The following RMND1 variants were observed in gnomAD, a reference collection of about 807,000 sequenced individuals.
RMND1 encodes the protein required for meiotic nuclear division 1 homolog.
A neutral mutation model predicts 54.0 loss-of-function variants in RMND1; 41 were observed. The observed-to-expected ratio is 0.76, with a 90% CI of 0.59 to 0.98. The LOEUF (loss-of-function observed/expected upper bound fraction) is 0.98. Among genes scored for constraint, RMND1 ranks in the 50% least tolerant of loss-of-function variants. The pLI is 0.00. For synonymous variants in RMND1, 183 were observed against 181.7 expected (o/e 1.01, Z -0.06); for missense variants, 457 against 532.0 (o/e 0.86, Z 1.39).
chr6:151,406,937 C>T (rs111375141), intron 10 of RMND1, among the ~76,000 whole-genome samples: 15 of 151,928 alleles, frequency 9.9e-5, no homozygotes, highest in African/African-American at 3.1e-4. Context: ...AGGCAGGAGG[C>T]GCACTTGAGC....
At chr6:151,423,409 A>G (rs969473666) in intron 7 of RMND1, 116 bp downstream of exon 7, 2 of 653,998 alleles carry the variant, frequency 3.1e-6, no homozygotes, top group Admixed American at 2.7e-5. Flanking sequence ...AAAAAGGAAA[A>G]GGAATGCTAA....
At chr6:151,450,327 G>C (rs1316977609) in intron 1 of RMND1, among the ~76,000 whole-genome samples, 2 of 146,402 alleles carry the variant, frequency 1.4e-5, no homozygotes, top group Admixed American at 6.7e-5. Flanking sequence ...GAGACCCTCC[G>C]CCCGGCAGCC....
chr6:151,451,406 T>G (rs1431445811), intron 1 of RMND1, among the ~76,000 whole-genome samples: 1 of 152,164 alleles, frequency 6.6e-6, no homozygotes, highest in Non-Finnish European at 1.5e-5. Context: ...AAATCCTATC[T>G]TTTGAATCTT....
chr6:151,405,689 C>T (rs748528221), intron 11 of RMND1, 31 bp downstream of exon 11: 17 of 1,061,282 alleles, frequency 1.6e-5, no homozygotes, highest in Non-Finnish European at 2.5e-5. Flanking sequence ...AAGATGGTAA[C>T]TGATCATAGT....
Position 151,433,437 on chromosome 6 carries a change from A to C in RMND1, c.614-207T>G, listed in dbSNP as rs116759264. Among the ~76,000 whole-genome samples the C allele has an allele frequency of 8.0e-3, 1,212 of 152,296 alleles. 16 individuals are homozygous for C. Among genetic ancestry groups the C allele is most frequent in the African/African-American group, 0.025 (1,021 of 41,548 alleles). On this transcript the variant is annotated intron_variant, in intron 3 of 11. Coordinates refer to ENST00000444024, the MANE Select transcript of RMND1 (RefSeq NM_017909.4). ...ATACGACCACCAAAAAAAGATCAGC[A>C]ATTACTTTTATAAAACATTCAACAA...
chr6:151,447,795 CTCTT>C (rs771798489), intron 1 of RMND1, among the ~76,000 whole-genome samples: 8 of 147,830 alleles, frequency 5.4e-5, no homozygotes, highest in Non-Finnish European at 1.2e-4. Context: ...TCTTTTTATT[CTCTT>C]TGAGTAAATT....
At chr6:151,417,475 A>G in intron 9 of RMND1, 76 bp from the exon 10 acceptor site, 1 of 1,261,436 alleles carries the variant, frequency 7.9e-7, no homozygotes, top group Non-Finnish European at 1.1e-6. Flanking sequence ...TAATATTTAC[A>G]TAGTGCTTTA....
intron 10 of RMND1, among the ~76,000 whole-genome samples, chr6:151,410,333 G>C (rs1163942823): frequency 3.3e-5 from 5 of 152,198 alleles, no homozygotes; most frequent in Admixed American, 1.3e-4. Context: ...GGGATTACAG[G>C]CATGAGCCAC....
chr6:151,416,104 G>C (rs1184909132), intron 10 of RMND1, among the ~76,000 whole-genome samples: 1 of 151,676 alleles, frequency 6.6e-6, no homozygotes, highest in South Asian at 2.1e-4. Flanking sequence ...TCAGCCTCCC[G>C]AGTAGCTGGG....
intron 10 of RMND1, among the ~76,000 whole-genome samples, chr6:151,406,848 T>G (rs1257899899): frequency 1.3e-5 from 2 of 152,090 alleles, no homozygotes; most frequent in Non-Finnish European, 2.9e-5. Flanking sequence ...ATGTTACGAT[T>G]TTTGCACATA....
chr6:151,445,135 A>T (rs1234692718), intron 2 of RMND1, 173 bp downstream of exon 2: 1 of 598,194 alleles, frequency 1.7e-6, no homozygotes, highest in Non-Finnish European at 2.8e-6. Context: ...TAATTGTTAA[A>T]AATTAAGATT....
chr6:151,436,289 A>C, intron 3 of RMND1, 157 bp downstream of exon 3: 1 of 740,344 alleles, frequency 1.4e-6, no homozygotes, highest in Non-Finnish European at 2.1e-6. Flanking sequence ...TTAATTCTTA[A>C]CTTTGTCATC....
At position 151,443,465 on chromosome 6, in the gene RMND1, C is replaced by G. The variant is rs193107595; in HGVS notation, c.504+1843G>C. Among the ~76,000 whole-genome samples, 643 of 152,242 alleles carry G rather than the reference C, an allele frequency of 4.2e-3. 1 individual carries two copies. Among genetic ancestry groups the G allele is most frequent in the Non-Finnish European group, 4.7e-3 (317 of 68,030 alleles). On this transcript the variant is annotated intron_variant, in intron 2 of 11. Coordinates refer to ENST00000444024, the MANE Select transcript of RMND1 (RefSeq NM_017909.4). ...CCGCTGGGATTACAGGTGTGCACCA[C>G]TACGCCTGGCTAATTTTTGTATATT...
At chr6:151,415,238 T>C (rs1248434932) in intron 10 of RMND1, among the ~76,000 whole-genome samples, 3 of 152,002 alleles carry the variant, frequency 2.0e-5, no homozygotes, top group Admixed American at 1.3e-4. Context: ...TTAAGAAAAT[T>C]ATAAATACGG....
chr6:151,442,598 C>G (rs56703354), intron 2 of RMND1, among the ~76,000 whole-genome samples: 3 of 151,942 alleles, frequency 2.0e-5, no homozygotes, highest in Non-Finnish European at 2.9e-5. Flanking sequence ...GGTGCAGTCA[C>G]GACTCACTGC....
chr6:151,424,977 C>G (rs1031960402), intron 6 of RMND1, among the ~76,000 whole-genome samples: 17 of 152,150 alleles, frequency 1.1e-4, no homozygotes, highest in African/African-American at 4.1e-4. Flanking sequence ...GAGTCTTGCT[C>G]TGTCACCCAG....
At chr6:151,422,415 C>A in intron 8 of RMND1, 126 bp downstream of exon 8, 1 of 484,352 alleles carries the variant, frequency 2.1e-6, no homozygotes, top group Non-Finnish European at 3.7e-6. Context: ...TTCTGGTATC[C>A]AGTGGGGTCT....
intron 2 of RMND1, among the ~76,000 whole-genome samples, chr6:151,437,485 G>A (rs1454077444): frequency 6.6e-6 from 1 of 152,142 alleles, no homozygotes; most frequent in Non-Finnish European, 1.5e-5. Context: ...TTTTAAAAGA[G>A]TATCAGAATA....
In RMND1 at chr6:151,433,185, T is replaced by C. The variant is rs371518261; in HGVS notation, c.659A>G (p.Glu220Gly). 9 of 1,612,822 alleles carry C rather than the reference T, an allele frequency of 5.6e-6. No homozygotes were observed. Among genetic ancestry groups the C allele is most frequent in the Non-Finnish European group, 6.8e-6 (8 of 1,179,262 alleles). Residue 220 changes from glutamate (E) to glycine (G), a missense_variant, in exon 4 of 12, where the codon GAA becomes GGA. Transcript: ENST00000444024. ...LVMGVENSAKEGDPGTIFFFR... is the reference protein window; with the variant it reads ...LVMGVENSAKGGDPGTIFFFR... ...GAAGAATATTGTTCCAGGATCACCT[T>C]CTTTTGCAGAATTTTCCACACCCAT...
Sources: gnomAD v4.1 joint callset for allele counts (sites outside exome capture counted in the v4.1 genomes callset) on GRCh38, gnomAD v4.1.1 for gene constraint, MANE v1.5 for transcripts, NCBI Gene and HGNC (gene_info 2026-07-23, HGNC 2026-07-21) for gene names.